TMEM114: variants seen among roughly 807,000 people sequenced by gnomAD.
TMEM114 encodes the protein transmembrane protein 114.
A neutral mutation model predicts 6.2 loss-of-function variants in TMEM114; 6 were observed. The ratio of observed to expected loss-of-function variants is 0.97; its 90% CI spans 0.53 to 1.91. TMEM114 has a LOEUF of 1.91. Among genes scored for constraint, TMEM114 ranks in the 40% most tolerant of loss-of-function variants. The pLI is 0.01. For missense variants in TMEM114, 218 were observed against 158.3 expected, an observed-to-expected ratio of 1.38 and a Z score of -2.02; for synonymous variants, 104 against 73.0, an observed-to-expected ratio of 1.42 and a Z score of -2.16.
At chr16:8,578,775 T>C (rs928602827) in intron 2 of TMEM114, among the ~76,000 whole-genome samples, 1 of 152,032 alleles carries the variant, frequency 6.6e-6, no homozygotes, top group African/African-American at 2.4e-5. Flanking sequence ...GGTTAGAAGT[T>C]CAAAACTAGC....
chr16:8,552,081 G>A (rs1223336762), intron 2 of TMEM114, among the ~76,000 whole-genome samples: 3 of 151,940 alleles, frequency 2.0e-5, no homozygotes, highest in Non-Finnish European at 4.4e-5. Context: ...GTGAAACAAG[G>A]ACTATAAGGG....
chr16:8,586,438 T>C (rs913728530), intron 2 of TMEM114, among the ~76,000 whole-genome samples: 9 of 152,190 alleles, frequency 5.9e-5, no homozygotes, highest in African/African-American at 2.2e-4. Flanking sequence ...AGAAGGCCTC[T>C]GTTTTGTAGG....
intron 2 of TMEM114, among the ~76,000 whole-genome samples, chr16:8,555,561 A>C (rs1479019403): frequency 6.6e-6 from 1 of 152,116 alleles, no homozygotes; most frequent in Non-Finnish European, 1.5e-5. Flanking sequence ...GCGCTGGTAG[A>C]TGCGTCTTTT....
At chr16:8,529,851 C>A in the TMEM114 span, among the ~76,000 whole-genome samples, 5 of 152,092 alleles carry the variant, frequency 3.3e-5, no homozygotes, top group African/African-American at 4.8e-5. Flanking sequence ...TTCTGAGGTG[C>A]AGCCAAGGTT....
intron 2 of TMEM114, among the ~76,000 whole-genome samples, chr16:8,577,183 C>T (rs1266648952): frequency 1.3e-5 from 2 of 152,258 alleles, no homozygotes; most frequent in Admixed American, 1.3e-4. Context: ...GACTTGGGCT[C>T]AAGCCCTCAA....
intron 2 of TMEM114, among the ~76,000 whole-genome samples, chr16:8,574,641 C>G (rs1209044579): frequency 6.9e-6 from 1 of 144,040 alleles, no homozygotes; most frequent in African/African-American, 2.6e-5. Flanking sequence ...GGAAGTACCA[C>G]AGCTCATGCA....
At chr16:8,562,504 A>ATGAGTGAATGAG (rs1208549032) in intron 2 of TMEM114, among the ~76,000 whole-genome samples, 29 of 30,102 alleles carry the variant, frequency 9.6e-4, no homozygotes, top group Admixed American at 7.5e-3. Context: ...GAATGAGTAA[A>ATGAGTGAATGAG]TGAGTGACTG....
At chr16:8,549,476 G>A (rs1900775836) in intron 2 of TMEM114, among the ~76,000 whole-genome samples, 1 of 147,648 alleles carries the variant, frequency 6.8e-6, no homozygotes, top group Non-Finnish European at 1.5e-5. Flanking sequence ...CTCAAGCCTG[G>A]GCAACAAGAG....
intron 1 of TMEM114, 81 bp downstream of exon 1, chr16:8,589,538 A>G: frequency 2.5e-6 from 1 of 398,386 alleles, no homozygotes; most frequent in Non-Finnish European, 4.4e-6. Context: ...AGTGCGCGCC[A>G]AGCAACAGGT....
intron 2 of TMEM114, among the ~76,000 whole-genome samples, chr16:8,555,435 C>T (rs1255942358): frequency 6.6e-6 from 1 of 151,282 alleles, no homozygotes; most frequent in Non-Finnish European, 1.5e-5. Flanking sequence ...AAGGAGCAGC[C>T]TTTCAGAATC....
At chr16:8,582,643 A>C (rs772510288) in intron 2 of TMEM114, among the ~76,000 whole-genome samples, 5 of 152,218 alleles carry the variant, frequency 3.3e-5, no homozygotes, top group Non-Finnish European at 5.9e-5. Context: ...TAATCCCAGC[A>C]CTTTGGGAGG....
the TMEM114 span, among the ~76,000 whole-genome samples, chr16:8,529,067 G>T: frequency 6.6e-6 from 1 of 152,218 alleles, no homozygotes; most frequent in African/African-American, 2.4e-5. Flanking sequence ...GGGCTTTAGA[G>T]AATCGTTCGG....
intron 2 of TMEM114, among the ~76,000 whole-genome samples, chr16:8,548,796 T>A (rs1377615107): frequency 6.6e-6 from 1 of 151,656 alleles, no homozygotes; most frequent in Non-Finnish European, 1.5e-5. Flanking sequence ...TTTTACGTAG[T>A]CAGTGGAGGA....
intron 2 of TMEM114, among the ~76,000 whole-genome samples, chr16:8,581,338 A>C (rs1902141178): frequency 6.6e-6 from 1 of 152,216 alleles, no homozygotes; most frequent in African/African-American, 2.4e-5. Context: ...TACACCTATA[A>C]ATGTCTAGCC....
At chr16:8,587,805 T>A (rs1902361269) in intron 2 of TMEM114, among the ~76,000 whole-genome samples, 1 of 152,178 alleles carries the variant, frequency 6.6e-6, no homozygotes, top group Non-Finnish European at 1.5e-5. Flanking sequence ...ACCGTGCCAC[T>A]GCATTCCAGC....
chr16:8,559,044 C>G (rs549141554), intron 2 of TMEM114, among the ~76,000 whole-genome samples: 65 of 148,228 alleles, frequency 4.4e-4, no homozygotes, highest in Middle Eastern at 3.8e-3. Flanking sequence ...CACCCGGCCT[C>G]TTTTTATTTT....
chr16:8,585,159 G>C (rs1277872035), intron 2 of TMEM114, among the ~76,000 whole-genome samples: 1 of 152,074 alleles, frequency 6.6e-6, no homozygotes, highest in Non-Finnish European at 1.5e-5. Context: ...CAGATCTCAG[G>C]AGACTTGTTC....
rs542154704 is a variant in TMEM114, at chr16:8,538,664, C to G, written n.213-838G>C. Among the ~76,000 whole-genome samples the G allele has an allele frequency of 9.9e-5, 15 of 152,192 alleles. No individual in the cohort carries two copies. In the South Asian group the frequency reaches 1.2e-3, roughly 13 times the overall value. On this transcript the variant is annotated intron_variant and non_coding_transcript_variant, in intron 2 of 2. Coordinates refer to the TMEM114 transcript ENST00000623677. ...CTGCGACTACAGGCGCCCGCCACCA[C>G]GCCCAGCTAATTTTTGTATTTTTAG...
intron 2 of TMEM114, among the ~76,000 whole-genome samples, chr16:8,573,726 T>C (rs1304014283): frequency 6.6e-6 from 1 of 152,196 alleles, no homozygotes; most frequent in African/African-American, 2.4e-5. Context: ...TCATTTGTTC[T>C]GGGAAGTCTT....
Sources: gnomAD v4.1 joint callset for allele counts (sites outside exome capture counted in the v4.1 genomes callset) on GRCh38, gnomAD v4.1.1 for gene constraint, MANE v1.5 for transcripts, NCBI Gene and HGNC (gene_info 2026-07-23, HGNC 2026-07-21) for gene names.